MDGA2: variants seen among roughly 807,000 people sequenced by gnomAD.
MDGA2 encodes the protein MAM domain containing glycosylphosphatidylinositol anchor 2, also known as MAM domain-containing glycosylphosphatidylinositol anchor protein 2.
MDGA2 carries 40 observed loss-of-function variants against 117.8 expected under a neutral mutation model. The observed-to-expected ratio is 0.34, with a 90% CI of 0.26 to 0.44. The LOEUF (loss-of-function observed/expected upper bound fraction) is 0.44, where lower values mean the gene tolerates loss of function less well. Ranked by LOEUF, MDGA2 falls within the 20% of genes least tolerant of loss-of-function variation. The probability of loss-of-function intolerance (pLI) is 1.00; values close to 1 mark genes in which losing one functional copy is unlikely to be tolerated. For synonymous variants in MDGA2, 452 were observed against 439.0 expected (o/e 1.03, Z -0.37); for missense variants, 1,123 against 1,250.6 (o/e 0.90, Z 1.54).
intron 7 of MDGA2, chr14:47,059,516 G>T (rs769712883): frequency 5.6e-6 from 2 of 359,004 alleles, no homozygotes; most frequent in African/African-American, 2.1e-5. Context: ...TTACTATTTT[G>T]TCATATATAA....
At chr14:47,222,990 G>C (rs542009126) in intron 2 of MDGA2, among the ~76,000 whole-genome samples, 1 of 152,204 alleles carries the variant, frequency 6.6e-6, no homozygotes, top group Non-Finnish European at 1.5e-5. Flanking sequence ...TGGACTTACT[G>C]TTCCAAATGG....
At chr14:47,258,980 A>C (rs1887708951) in intron 2 of MDGA2, among the ~76,000 whole-genome samples, 1 of 152,118 alleles carries the variant, frequency 6.6e-6, no homozygotes, top group Non-Finnish European at 1.5e-5. Flanking sequence ...TCTATTAGGT[A>C]TATCTTCAAT....
At chr14:47,320,855 G>C (rs1174128494) in intron 1 of MDGA2, among the ~76,000 whole-genome samples, 1 of 152,096 alleles carries the variant, frequency 6.6e-6, no homozygotes, top group African/African-American at 2.4e-5. Context: ...TTGAGTACTT[G>C]TGTTTGCCCT....
At chr14:46,945,186 T>C (rs545156371) in intron 9 of MDGA2, among the ~76,000 whole-genome samples, 2 of 152,262 alleles carry the variant, frequency 1.3e-5, no homozygotes, top group East Asian at 3.9e-4. Flanking sequence ...TAAAAAGTGA[T>C]GAAATCTGTG....
chr14:47,612,882 C>T (rs577094105), intron 1 of MDGA2, among the ~76,000 whole-genome samples: 6 of 152,242 alleles, frequency 3.9e-5, no homozygotes, highest in Admixed American at 1.3e-4. Flanking sequence ...CTAAACCTGA[C>T]GATACTTAAA....
At position 46,855,458 on chromosome 14, in the gene MDGA2, A is replaced by T. The variant is rs1158970808; in HGVS notation, c.2753-304T>A. Among the ~76,000 whole-genome samples, 1 of 152,182 alleles carries T rather than the reference A, an allele frequency of 6.6e-6. No homozygotes were observed. Among genetic ancestry groups the T allele is most frequent in the Non-Finnish European group, 1.5e-5 (1 of 68,028 alleles). On this transcript the variant is annotated intron_variant, in intron 14 of 16. Transcript: ENST00000399232. The surrounding 1 kb of genome is among the most constrained non-coding windows in gnomAD (Gnocchi z 4.1). Reference sequence around the variant, plus strand: ...GTGAGTCCTAAATGCAATTACATATAGCTTTATAAAACAGAGGCAGAGGGA... The same window carrying T: ...GTGAGTCCTAAATGCAATTACATATTGCTTTATAAAACAGAGGCAGAGGGA...
intron 1 of MDGA2, among the ~76,000 whole-genome samples, chr14:47,622,608 T>G (rs1232167088): frequency 6.7e-6 from 1 of 149,616 alleles, no homozygotes. Context: ...CAATTAAAGG[T>G]GGTGGGGGAC....
At chr14:47,000,845 C>T (rs1392435885) in intron 8 of MDGA2, among the ~76,000 whole-genome samples, 1 of 151,772 alleles carries the variant, frequency 6.6e-6, no homozygotes, top group Non-Finnish European at 1.5e-5. Context: ...GAAAATAATA[C>T]CATTTAAAAC....
Position 47,061,415 on chromosome 14 carries a change from C to G in MDGA2, c.1359G>C (p.Glu453Asp). The G allele has an allele frequency of 2.5e-6, 4 of 1,613,652 alleles. No homozygotes were observed. The South Asian group carries it at 4.4e-5, about 18-fold the overall frequency. ...GATCAGTCTGTGTAATGACCATCCG[C>G]TCAGAACTTCTTAATGGACGACCAT... ...FKNGRPLRSS[E>D]RMVITQTDPD... Residue 453 changes from glutamate (E) to aspartate (D), a missense_variant, in exon 7 of 17, where the codon GAG becomes GAC. Transcript: ENST00000399232.
intron 1 of MDGA2, among the ~76,000 whole-genome samples, chr14:47,522,766 A>G (rs543483015): frequency 1.3e-5 from 2 of 152,344 alleles, no homozygotes; most frequent in South Asian, 4.1e-4. Flanking sequence ...ATTCTCATAC[A>G]GTACTTCCAT....
chr14:46,891,865 T>G (rs926003191), intron 10 of MDGA2, among the ~76,000 whole-genome samples: 2 of 151,414 alleles, frequency 1.3e-5, no homozygotes, highest in African/African-American at 4.8e-5. Context: ...TTTTAAGACT[T>G]AAAAATGAAA....
chr14:47,501,372 T>C (rs939742321), intron 1 of MDGA2, among the ~76,000 whole-genome samples: 1 of 152,200 alleles, frequency 6.6e-6, no homozygotes, highest in Non-Finnish European at 1.5e-5. Context: ...TTGGCTCCAA[T>C]ATTTCAAATA....
intron 1 of MDGA2, among the ~76,000 whole-genome samples, chr14:47,407,033 A>G (rs1892274090): frequency 6.6e-6 from 1 of 152,060 alleles, no homozygotes; most frequent in African/African-American, 2.4e-5. Context: ...TTTGTAAAAT[A>G]CAATCCATTC....
At chr14:47,450,698 C>T (rs555611464) in intron 1 of MDGA2, among the ~76,000 whole-genome samples, 13 of 151,778 alleles carry the variant, frequency 8.6e-5, no homozygotes, top group South Asian at 6.2e-4. Context: ...TTTATAATAA[C>T]GGGGAAAAAA....
chr14:47,434,111 C>A (rs1025948187), intron 1 of MDGA2, among the ~76,000 whole-genome samples: 7 of 152,044 alleles, frequency 4.6e-5, no homozygotes, highest in African/African-American at 1.7e-4. Flanking sequence ...CAAAAATACA[C>A]ATTAAGATTC....
chr14:47,274,174 G>C (rs1462229621), intron 2 of MDGA2, among the ~76,000 whole-genome samples: 1 of 151,836 alleles, frequency 6.6e-6, no homozygotes, highest in Non-Finnish European at 1.5e-5. Context: ...AGAACATTTT[G>C]GTTCCCTCTA....
chr14:47,309,128 G>A (rs1400330926), intron 1 of MDGA2, among the ~76,000 whole-genome samples: 4 of 152,032 alleles, frequency 2.6e-5, no homozygotes, highest in African/African-American at 9.7e-5. Flanking sequence ...TCAAAAAATG[G>A]TTAAAATCTT....
intron 8 of MDGA2, among the ~76,000 whole-genome samples, chr14:46,959,306 T>G (rs1263793081): frequency 7.0e-6 from 1 of 143,584 alleles, no homozygotes; most frequent in Non-Finnish European, 1.5e-5. Flanking sequence ...TGTGTGTGGA[T>G]ACATACATAT....
At chr14:47,459,410 C>CT (rs5808399) in intron 1 of MDGA2, among the ~76,000 whole-genome samples, 117 of 147,046 alleles carry the variant, frequency 8.0e-4, no homozygotes, top group East Asian at 3.6e-3. Flanking sequence ...ATTAGTTTCA[C>CT]TTTTTTTTTT....
Sources: allele counts gnomAD v4.1 joint callset (sites outside exome capture counted in the v4.1 genomes callset), GRCh38; gene constraint gnomAD v4.1.1; non-coding constraint Gnocchi (gnomAD v3.1); transcripts MANE v1.5; gene names NCBI Gene and HGNC (gene_info 2026-07-23, HGNC 2026-07-21).